Variants in STK3 observed in about 807,000 individuals in gnomAD.
STK3 encodes the protein serine/threonine-protein kinase 3.
In STK3, 41 loss-of-function variants were observed where a neutral mutation model predicts 58.0. The observed-to-expected ratio is 0.71, with a 90% CI of 0.55 to 0.92. STK3 has a LOEUF of 0.92. STK3 is among the 40% of genes least tolerant of loss of function. The pLI is 0.00. For synonymous variants in STK3, 170 were observed against 191.0 expected (o/e 0.89, Z 0.91); for missense variants, 479 against 602.7 (o/e 0.79, Z 2.15).
chr8:98,504,363 T>C (rs1823874284), intron 10 of STK3, among the ~76,000 whole-genome samples: 2 of 152,260 alleles, frequency 1.3e-5, no homozygotes, highest in Non-Finnish European at 2.9e-5. Flanking sequence ...TCTGTGTCTT[T>C]TAATTGGGGC....
At chr8:98,792,892 C>CTGCA (rs1554678139) in intron 1 of STK3, among the ~76,000 whole-genome samples, 1 of 98,136 alleles carries the variant, frequency 1.0e-5, no homozygotes, top group Non-Finnish European at 2.1e-5. Flanking sequence ...GATAAAGAGA[C>CTGCA]TGTATGTGTG....
intron 6 of STK3, among the ~76,000 whole-genome samples, chr8:98,680,020 TC>T (rs1298813380): frequency 6.6e-6 from 1 of 152,156 alleles, no homozygotes; most frequent in Non-Finnish European, 1.5e-5. Context: ...AGCAAAACTG[TC>T]TAAAATCATA....
intron 1 of STK3, among the ~76,000 whole-genome samples, chr8:98,926,326 T>G (rs1357714238): frequency 2.0e-5 from 3 of 152,200 alleles, no homozygotes; most frequent in Non-Finnish European, 4.4e-5. Context: ...AATCATTCAT[T>G]GTGAAATAAA....
intron 1 of STK3, among the ~76,000 whole-genome samples, chr8:98,386,985 G>A (rs561562342): frequency 2.0e-5 from 3 of 152,104 alleles, no homozygotes; most frequent in South Asian, 4.2e-4. Context: ...CAAAAAATAT[G>A]TAAATGCTTT....
intron 1 of STK3, among the ~76,000 whole-genome samples, chr8:98,932,961 G>A (rs991478205): frequency 3.9e-5 from 6 of 152,212 alleles, no homozygotes; most frequent in Non-Finnish European, 7.3e-5. Flanking sequence ...CTGTGGAAAA[G>A]TCAGCTAGTT....
the STK3 span, among the ~76,000 whole-genome samples, chr8:98,359,414 T>C: frequency 1.4e-5 from 2 of 146,798 alleles, no homozygotes; most frequent in South Asian, 4.3e-4. Context: ...TCTCAGCTAC[T>C]TGGGAGGCTG....
At chr8:98,851,920 C>T (rs1836484476) in intron 3 of STK3, among the ~76,000 whole-genome samples, 2 of 152,094 alleles carry the variant, frequency 1.3e-5, no homozygotes, top group African/African-American at 4.8e-5. Context: ...CCCAGAGGTT[C>T]GAGGCTGTAG....
chr8:98,447,523 T>C (rs181728511), intron 1 of STK3, among the ~76,000 whole-genome samples: 289 of 149,578 alleles, frequency 1.9e-3, no homozygotes, highest in Admixed American at 2.9e-3. Context: ...TTGCATGTAT[T>C]TGTATATATC....
chr8:98,402,423 G>C (rs1049012893), intron 3 of STK3, among the ~76,000 whole-genome samples: 1 of 152,218 alleles, frequency 6.6e-6, no homozygotes, highest in African/African-American at 2.4e-5. Flanking sequence ...GCTCCCTGGA[G>C]TCTGTGTTTG....
intron 1 of STK3, among the ~76,000 whole-genome samples, chr8:98,789,868 A>T (rs1320327481): frequency 6.6e-6 from 1 of 152,110 alleles, no homozygotes; most frequent in Non-Finnish European, 1.5e-5. Flanking sequence ...CTCTACTTAA[A>T]ATAGAAAAAA....
chr8:98,528,034 T>C (rs779986290), intron 9 of STK3, among the ~76,000 whole-genome samples: 1 of 152,196 alleles, frequency 6.6e-6, no homozygotes, highest in Non-Finnish European at 1.5e-5. Context: ...CTTCCCACCA[T>C]AGCAAACTGA....
chr8:98,442,023 C>T (rs1274339472), intron 1 of STK3, among the ~76,000 whole-genome samples: 1 of 152,190 alleles, frequency 6.6e-6, no homozygotes. Flanking sequence ...ATCCCTAAAA[C>T]CCACTCCTAT....
At chr8:98,663,938 C>T (rs1391657538) in intron 6 of STK3, among the ~76,000 whole-genome samples, 2 of 152,046 alleles carry the variant, frequency 1.3e-5, no homozygotes, top group African/African-American at 4.8e-5. Flanking sequence ...ACCTTTTGTT[C>T]AAAGGATTGT....
rs1025425543 is a variant in STK3, at chr8:98,427,911, C to T, written n.483+6216G>A. On this transcript the variant is annotated intron_variant and non_coding_transcript_variant, in intron 3 of 3. Transcript: ENST00000517832. ...GCCCCGCCAGGGCGCACGGCGCTCT[C>T]GCCGACGCTGTTCCCTCCGCTTCCA... 6.7e-6 allele frequency: 9 copies of T among 1,347,024 alleles called. 1 individual carries two copies. The African/African-American group carries it at 7.4e-5, about 11-fold the overall frequency. The allele number at this position is 1,347,024 out of a possible 1,614,324, so 83.4% of individuals were successfully genotyped here.
intron 10 of STK3, among the ~76,000 whole-genome samples, chr8:98,521,998 T>C (rs1401100352): frequency 1.3e-5 from 2 of 152,188 alleles, no homozygotes; most frequent in African/African-American, 4.8e-5. Flanking sequence ...GTATAATTTA[T>C]TTTTACCCAC....
rs1163386533 is a variant in STK3 at position 98,493,483 on chromosome 8, A to T, written c.1317+33259T>A. On this transcript the variant is annotated intron_variant, in intron 10 of 10. Transcript: ENST00000419617. ...CATTGATCTCCTTAACACCTTATCC[A>T]ATCTTCGGGTTTTAGCTCTCCTATG... Among the ~76,000 whole-genome samples the T allele has an allele frequency of 2.6e-5, 4 of 152,218 alleles. No individual in the cohort carries two copies. The East Asian group carries it at 7.7e-4, about 29-fold the overall frequency.
At chr8:98,827,986 C>CT (rs112858815), upstream of STK3, among the ~76,000 whole-genome samples, 128 of 143,824 alleles carry the variant, frequency 8.9e-4, no homozygotes, top group Non-Finnish European at 1.0e-3. Context: ...ATACTCCCAG[C>CT]TTTTTTTTTT....
intron 1 of STK3, chr8:98,889,864 A>G (rs1363565676): frequency 6.6e-6 from 1 of 152,212 alleles, no homozygotes; most frequent in East Asian, 1.9e-4. Context: ...ACACTTTAAG[A>G]ACTGCTCTCA....
chr8:98,452,621 G>T, downstream of STK3, among the ~76,000 whole-genome samples: 1 of 152,120 alleles, frequency 6.6e-6, no homozygotes, highest in South Asian at 2.1e-4. Flanking sequence ...GAGGTGTGCA[G>T]AAAAGTACAC....
Sources: gnomAD v4.1 joint callset for allele counts (sites outside exome capture counted in the v4.1 genomes callset) on GRCh38, gnomAD v4.1.1 for gene constraint, MANE v1.5 for transcripts, NCBI Gene and HGNC (gene_info 2026-07-23, HGNC 2026-07-21) for gene names.